Variants in MYRIP observed in about 807,000 individuals in gnomAD.
MYRIP encodes the protein rab effector MyRIP.
In MYRIP, 49 loss-of-function variants were observed where a neutral mutation model predicts 98.0. That is an observed-to-expected ratio of 0.50 (90% CI 0.40 to 0.63). The LOEUF is 0.63. Ranked by LOEUF, MYRIP falls within the 30% of genes least tolerant of loss-of-function variation. The pLI is 0.00. For missense variants in MYRIP, 1,004 were observed against 1,058.2 expected (o/e 0.95, Z 0.71); for synonymous variants, 404 against 409.5 (o/e 0.99, Z 0.16).
chr3:40,059,702 G>A (rs897342420), intron 3 of MYRIP, among the ~76,000 whole-genome samples: 26 of 152,236 alleles, frequency 1.7e-4, no homozygotes, highest in Middle Eastern at 3.4e-3. Context: ...TCCTCAAGAG[G>A]AATTTTCTTT....
At chr3:40,222,067 G>C (rs189415001) in intron 11 of MYRIP, among the ~76,000 whole-genome samples, 4 of 152,182 alleles carry the variant, frequency 2.6e-5, no homozygotes, top group Non-Finnish European at 5.9e-5. Flanking sequence ...AAGAATTCAA[G>C]GGTGAGTGGA....
intron 3 of MYRIP, among the ~76,000 whole-genome samples, chr3:40,047,194 G>T (rs1947688158): frequency 6.6e-6 from 1 of 152,182 alleles, no homozygotes; most frequent in African/African-American, 2.4e-5. Context: ...AAAATAAGTT[G>T]TAAAAAAGGC....
chr3:39,893,556 C>G (rs765707948), intron 1 of MYRIP, among the ~76,000 whole-genome samples: 1 of 151,928 alleles, frequency 6.6e-6, no homozygotes, highest in Non-Finnish European at 1.5e-5. Context: ...AGAAAGCAAT[C>G]CATGTTCATT....
intron 2 of MYRIP, among the ~76,000 whole-genome samples, chr3:39,995,748 G>C (rs964267995): frequency 5.3e-5 from 8 of 152,146 alleles, no homozygotes; most frequent in South Asian, 2.1e-4. Context: ...ATTCACCAAA[G>C]TTGAAATGAA....
intron 13 of MYRIP, among the ~76,000 whole-genome samples, chr3:40,249,844 ATATAAATGAC>A (rs1223235692): frequency 3.3e-5 from 5 of 152,208 alleles, no homozygotes; most frequent in African/African-American, 1.2e-4. Flanking sequence ...AAAGCAGGAC[ATATAAATGAC>A]TATAACAGGA....
chr3:39,996,880 C>T (rs1397587791), intron 2 of MYRIP, among the ~76,000 whole-genome samples: 2 of 152,196 alleles, frequency 1.3e-5, no homozygotes, highest in Admixed American at 6.5e-5. Context: ...TTAAGAAACT[C>T]ACTCAAAACT....
At chr3:40,117,223 C>A (rs1575550628) in intron 3 of MYRIP, among the ~76,000 whole-genome samples, 1 of 152,180 alleles carries the variant, frequency 6.6e-6, no homozygotes, top group Non-Finnish European at 1.5e-5. Flanking sequence ...ATGAAGATAT[C>A]ATACACCGGT....
intron 2 of MYRIP, among the ~76,000 whole-genome samples, chr3:39,962,572 A>T (rs1182992102): frequency 6.6e-6 from 1 of 152,010 alleles, no homozygotes; most frequent in Admixed American, 6.6e-5. Context: ...CCAGAGATAC[A>T]TGTTTCCTCT....
chr3:40,172,508 ACAGTGGCAG>A (rs1172223719), intron 8 of MYRIP, among the ~76,000 whole-genome samples: 2 of 152,196 alleles, frequency 1.3e-5, no homozygotes, highest in Non-Finnish European at 2.9e-5. Flanking sequence ...CACAGTGGCA[ACAGTGGCAG>A]GTGACTAAAT....
At chr3:40,217,818 A>C (rs7613191) in intron 11 of MYRIP, among the ~76,000 whole-genome samples, 1 of 152,148 alleles carries the variant, frequency 6.6e-6, no homozygotes, top group African/African-American at 2.4e-5. Context: ...GTCTTCTACT[A>C]CTTTCATGAT....
intron 2 of MYRIP, among the ~76,000 whole-genome samples, chr3:40,028,083 G>A (rs544621389): frequency 2.0e-5 from 3 of 152,150 alleles, no homozygotes; most frequent in South Asian, 4.2e-4. Context: ...TTCCTGCTAC[G>A]CCCATGGCAG....
chr3:39,914,493 C>T (rs1249792427), intron 2 of MYRIP, among the ~76,000 whole-genome samples: 1 of 151,884 alleles, frequency 6.6e-6, no homozygotes, highest in East Asian at 1.9e-4. Context: ...AAACACTAGC[C>T]AATAATATAG....
intron 2 of MYRIP, among the ~76,000 whole-genome samples, chr3:39,994,420 C>T (rs1177179228): frequency 6.6e-6 from 1 of 152,242 alleles, no homozygotes; most frequent in African/African-American, 2.4e-5. Flanking sequence ...GGGTCCTATG[C>T]CCACGGAGCC....
intron 2 of MYRIP, among the ~76,000 whole-genome samples, chr3:40,023,233 T>C (rs1164436788): frequency 1.3e-5 from 2 of 152,130 alleles, no homozygotes; most frequent in Non-Finnish European, 2.9e-5. Flanking sequence ...ATGTGGACTT[T>C]AAAAAAATCT....
chr3:40,093,996 T>C (rs1948776992), intron 3 of MYRIP, among the ~76,000 whole-genome samples: 1 of 152,164 alleles, frequency 6.6e-6, no homozygotes. Flanking sequence ...TGTTACCTCC[T>C]ACCACAAGGC....
At chr3:40,003,174 T>A (rs1946560214) in intron 2 of MYRIP, among the ~76,000 whole-genome samples, 1 of 152,168 alleles carries the variant, frequency 6.6e-6, no homozygotes, top group South Asian at 2.1e-4. Context: ...TACAGATAGA[T>A]ATAAATACAT....
chr3:39,819,184 A>C (rs1941025762), intron 1 of MYRIP, among the ~76,000 whole-genome samples: 1 of 152,118 alleles, frequency 6.6e-6, no homozygotes, highest in Non-Finnish European at 1.5e-5. Context: ...CCTCGTTTCT[A>C]CTAAATACAA....
At chr3:39,812,002 C>T (rs1184584789) in intron 1 of MYRIP, among the ~76,000 whole-genome samples, 1 of 152,134 alleles carries the variant, frequency 6.6e-6, no homozygotes, top group East Asian at 1.9e-4. Flanking sequence ...TATGCACAGA[C>T]TCTTGCCGGA....
In MYRIP at chr3:40,199,682, A is replaced by G. The variant is rs139908048; in HGVS notation, c.1665+9219A>G. 2.2e-4 allele frequency among the ~76,000 whole-genome samples: 33 copies of G among 152,312 alleles called. No homozygotes were observed. In the East Asian group the frequency reaches 6.2e-3, roughly 29 times the overall value. On this transcript the variant is annotated intron_variant, in intron 10 of 16. Transcript: ENST00000302541. ...CCCGTACACAGACGAAAGGGTAATC[A>G]TTCCCCTCTGCCCTTCAATTCTCCA...
Sources: allele counts gnomAD v4.1 joint callset (sites outside exome capture counted in the v4.1 genomes callset), GRCh38; gene constraint gnomAD v4.1.1; transcripts MANE v1.5; gene names NCBI Gene and HGNC (gene_info 2026-07-23, HGNC 2026-07-21).